KDM4C: variants seen among roughly 807,000 people sequenced by gnomAD.
KDM4C encodes lysine demethylase 4C.
KDM4C carries 81 observed loss-of-function variants against 129.3 expected under a neutral mutation model. The observed-to-expected ratio is 0.63, with a 90% CI of 0.52 to 0.75. KDM4C has a LOEUF of 0.75. Among genes scored for constraint, KDM4C ranks in the 30% least tolerant of loss-of-function variants. The probability of loss-of-function intolerance (pLI) is 0.00; values close to 1 mark genes in which losing one functional copy is unlikely to be tolerated. For missense variants in KDM4C, 1,457 were observed against 1,304.0 expected (o/e 1.12, Z -1.81); for synonymous variants, 573 against 456.1 (o/e 1.26, Z -3.26).
chr9:7,041,665 C>T (rs1828627256), intron 15 of KDM4C, among the ~76,000 whole-genome samples: 1 of 151,702 alleles, frequency 6.6e-6, no homozygotes, highest in Admixed American at 6.6e-5. Context: ...CTCTTAGGTT[C>T]CTACAGTGGG....
At chr9:6,863,755 A>T (rs536433339) in intron 5 of KDM4C, among the ~76,000 whole-genome samples, 44 of 148,904 alleles carry the variant, frequency 3.0e-4, no homozygotes, top group African/African-American at 1.1e-3. Flanking sequence ...AGATCTTGCC[A>T]CTGCCTCCAG....
At chr9:6,872,649 T>G (rs1199414706) in intron 5 of KDM4C, among the ~76,000 whole-genome samples, 1 of 152,224 alleles carries the variant, frequency 6.6e-6, no homozygotes. Context: ...TTGGTCTTTG[T>G]TGGTTTAAAG....
chr9:7,063,936 G>C lies in KDM4C; in HGVS notation c.2424+14736G>C, dbSNP rs370576943. ...GAGCTCTGAGTCTCAAGAAGTTCTA[G>C]GTTCTAGGAAGCCTCCCGTCTTTTG... On this transcript the variant is annotated intron_variant, in intron 17 of 21. Transcript: ENST00000381309. Among the ~76,000 whole-genome samples the C allele has an allele frequency of 1.3e-4, 20 of 152,292 alleles. No individual in the cohort carries two copies. In the East Asian group the frequency reaches 1.7e-3, roughly 13 times the overall value.
intron 19 of KDM4C, among the ~76,000 whole-genome samples, chr9:7,157,694 G>C (rs1843336079): frequency 6.6e-6 from 1 of 152,176 alleles, no homozygotes; most frequent in East Asian, 1.9e-4. Context: ...TTGCATCCCA[G>C]GGATGAAGCC....
At chr9:6,862,329 A>G (rs1398653971) in intron 5 of KDM4C, among the ~76,000 whole-genome samples, 4 of 152,198 alleles carry the variant, frequency 2.6e-5, no homozygotes, top group Non-Finnish European at 5.9e-5. Flanking sequence ...TGATTTTAAC[A>G]GAAACATTTG....
chr9:6,759,668 T>G (rs1411052993), intron 1 of KDM4C, among the ~76,000 whole-genome samples: 2 of 152,114 alleles, frequency 1.3e-5, no homozygotes, highest in African/African-American at 4.8e-5. Flanking sequence ...AAGTTGAAAA[T>G]CAGACCCGGC....
intron 17 of KDM4C, among the ~76,000 whole-genome samples, chr9:7,052,024 G>C (rs532719362): frequency 6.6e-6 from 1 of 152,152 alleles, no homozygotes; most frequent in African/African-American, 2.4e-5. Flanking sequence ...GGTCTACAGC[G>C]AAGATATAGA....
In KDM4C at chr9:6,877,360, C is replaced by T. The variant is rs574613336; in HGVS notation, c.630-2652C>T. Among the ~76,000 whole-genome samples, 30 of 152,272 alleles carry T rather than the reference C, an allele frequency of 2.0e-4. No individual in the cohort carries two copies. In the East Asian group the frequency reaches 5.8e-3, roughly 29 times the overall value. ...AGACTACAGGCGCCCGCCACCACAC[C>T]CGGATAATTTTTTGTATTTTTAGTA... is the stretch of plus-strand genomic sequence containing the variant. On this transcript the variant is annotated intron_variant, in intron 5 of 21. Coordinates refer to ENST00000381309, the MANE Select transcript of KDM4C (RefSeq NM_015061.6).
intron 19 of KDM4C, among the ~76,000 whole-genome samples, chr9:7,136,393 T>C (rs1038595241): frequency 3.9e-5 from 6 of 152,230 alleles, no homozygotes; most frequent in Admixed American, 3.9e-4. Context: ...TTCAACTTTA[T>C]AGGAAACTGC....
chr9:7,074,895 GAA>G (rs1277571366), intron 17 of KDM4C, among the ~76,000 whole-genome samples: 1 of 152,050 alleles, frequency 6.6e-6, no homozygotes, highest in East Asian at 1.9e-4. Flanking sequence ...TATTCTATTT[GAA>G]TACATCATGA....
chr9:6,888,999 G>T (rs1178458762), intron 7 of KDM4C, among the ~76,000 whole-genome samples: 1 of 35,440 alleles, frequency 2.8e-5, no homozygotes, highest in Non-Finnish European at 5.6e-5. Flanking sequence ...CGTTTTAGCC[G>T]GGATGGCCTC....
At chr9:6,943,595 A>T (rs1826351019) in intron 8 of KDM4C, among the ~76,000 whole-genome samples, 1 of 151,854 alleles carries the variant, frequency 6.6e-6, no homozygotes, top group Admixed American at 6.6e-5. Context: ...AGATTGCTTG[A>T]GCCCAGGAGG....
chr9:6,752,612 G>A (rs2130310466), intron 1 of KDM4C, among the ~76,000 whole-genome samples: 1 of 151,728 alleles, frequency 6.6e-6, no homozygotes, highest in Non-Finnish European at 1.5e-5. Flanking sequence ...GTTTCACCAT[G>A]TTGGTTAGGC....
At position 6,758,210 on chromosome 9, in the gene KDM4C, G is replaced by A. The variant is rs1290143781; in HGVS notation, c.-18+7G>A. 4.8e-5 allele frequency: 47 copies of A among 985,742 alleles called. No individual in the cohort carries two copies. Among genetic ancestry groups the A allele is most frequent in the Non-Finnish European group, 5.4e-5 (45 of 830,194 alleles). 61.1% of individuals were successfully genotyped at this position (985,742 alleles called of 1,614,324 possible). On this transcript the variant is annotated splice_region_variant and intron_variant, in intron 1 of 21. Coordinates refer to ENST00000381309, the MANE Select transcript of KDM4C (RefSeq NM_015061.6). This position sits in a 1 kb window ranked among gnomAD's most constrained non-coding sequence, Gnocchi z 4.6. Reference sequence around the variant, plus strand: ...GCCCCAACCCGCGCGCCAGGTAACCGCTTTTCCGGAGTCTGGGGGCCAGGG... The same window carrying A: ...GCCCCAACCCGCGCGCCAGGTAACCACTTTTCCGGAGTCTGGGGGCCAGGG...
intron 15 of KDM4C, 113 bp downstream of exon 15, chr9:7,016,042 G>C: frequency 1.6e-6 from 1 of 607,316 alleles, no homozygotes. Context: ...GTGCAGTTCT[G>C]CACTTCCTTG....
At chr9:7,097,995 G>A (rs1001398309) in intron 17 of KDM4C, among the ~76,000 whole-genome samples, 1 of 152,226 alleles carries the variant, frequency 6.6e-6, no homozygotes, top group East Asian at 1.9e-4. Context: ...CTTCCGCAAG[G>A]ATTCTTACTT....
At chr9:6,867,857 C>G (rs1456319026) in intron 5 of KDM4C, among the ~76,000 whole-genome samples, 2 of 152,120 alleles carry the variant, frequency 1.3e-5, no homozygotes, top group Non-Finnish European at 2.9e-5. Flanking sequence ...TCTTTTATTG[C>G]AGTAGCAGAA....
chr9:7,125,367 G>A (rs1439393611), intron 18 of KDM4C, among the ~76,000 whole-genome samples: 3 of 152,146 alleles, frequency 2.0e-5, no homozygotes, highest in Non-Finnish European at 4.4e-5. Flanking sequence ...CTTCTCTCAC[G>A]CCACCTGTGA....
intron 1 of KDM4C, among the ~76,000 whole-genome samples, chr9:6,759,991 AT>A: frequency 6.6e-6 from 1 of 151,330 alleles, no homozygotes; most frequent in Admixed American, 6.6e-5. Flanking sequence ...AAATAAATAA[AT>A]AAAAGCTTTT....
Sources: gnomAD v4.1 joint callset for allele counts (sites outside exome capture counted in the v4.1 genomes callset) on GRCh38, gnomAD v4.1.1 for gene constraint, Gnocchi (gnomAD v3.1) non-coding constraint, MANE v1.5 for transcripts, NCBI Gene and HGNC (gene_info 2026-07-23, HGNC 2026-07-21) for gene names.